The following LIMD1 variants were observed in gnomAD, a reference collection of about 807,000 sequenced individuals.
LIMD1 encodes LIM domain-containing protein 1.
LIMD1 carries 23 observed loss-of-function variants against 58.4 expected under a neutral mutation model. That is an observed-to-expected ratio of 0.39 (90% CI 0.28 to 0.56). The LOEUF (loss-of-function observed/expected upper bound fraction) is 0.56. LIMD1 is among the 20% of genes least tolerant of loss of function. The probability of loss-of-function intolerance (pLI) is 0.57; values close to 1 mark genes in which losing one functional copy is unlikely to be tolerated. For missense variants in LIMD1, 838 were observed against 855.5 expected (o/e 0.98, Z 0.25); for synonymous variants, 334 against 345.5 (o/e 0.97, Z 0.37).
At position 45,673,072 on chromosome 3, in the gene LIMD1, A is replaced by G. The variant is rs902680827; in HGVS notation, c.1772+252A>G. ...ACAGAGCACAGAAAAACTAATAATC[A>G]TATTTGTAGCTAGGCCTCGGGAGGA... On this transcript the variant is annotated intron_variant, in intron 5 of 7. Transcript: ENST00000273317. Among the ~76,000 whole-genome samples the G allele has an allele frequency of 2.6e-5, 4 of 151,970 alleles. No individual in the cohort carries two copies. The South Asian group carries it at 6.2e-4, about 24-fold the overall frequency.
chr3:45,596,426 G>A, intron 1 of LIMD1, 139 bp downstream of exon 1: 1 of 705,928 alleles, frequency 1.4e-6, no homozygotes, highest in Non-Finnish European at 2.4e-6. Flanking sequence ...TTTGTTTTGG[G>A]CTTCCTCTTT....
chr3:45,676,599 C>T (rs1156795868), intron 7 of LIMD1, among the ~76,000 whole-genome samples: 1 of 152,202 alleles, frequency 6.6e-6, no homozygotes, highest in African/African-American at 2.4e-5. Flanking sequence ...TGATGGCTTC[C>T]AGCTTCATCC....
At chr3:45,673,413 C>T in intron 5 of LIMD1, 41 bp from the exon 6 acceptor site, 2 of 1,580,750 alleles carry the variant, frequency 1.3e-6, no homozygotes, top group Non-Finnish European at 1.7e-6. Context: ...GGAATTTGCT[C>T]CCAGAAGCAA....
intron 1 of LIMD1, among the ~76,000 whole-genome samples, chr3:45,611,105 C>A (rs928571240): frequency 6.6e-6 from 1 of 152,212 alleles, no homozygotes; most frequent in Non-Finnish European, 1.5e-5. Context: ...TGTATACATT[C>A]TCTTGCTTTG....
At chr3:45,655,206 C>T (rs9838872) in intron 2 of LIMD1, among the ~76,000 whole-genome samples, 16,437 of 152,206 alleles carry the variant, frequency 0.11, 1,000 homozygotes, top group East Asian at 0.15. Flanking sequence ...AGGCATGAGA[C>T]ACCACACTCG....
intron 1 of LIMD1, among the ~76,000 whole-genome samples, chr3:45,604,907 C>T (rs1484316933): frequency 6.6e-6 from 1 of 152,232 alleles, no homozygotes; most frequent in African/African-American, 2.4e-5. Context: ...CCCTCCTGCT[C>T]TTTCCATTAA....
At chr3:45,610,356 C>T (rs557848659) in intron 1 of LIMD1, among the ~76,000 whole-genome samples, 5 of 152,312 alleles carry the variant, frequency 3.3e-5, no homozygotes, top group Admixed American at 3.3e-4. Context: ...GGCTGCTGTC[C>T]ACATCCCTCA....
At chr3:45,624,434 G>A (rs991769342) in intron 1 of LIMD1, among the ~76,000 whole-genome samples, 12 of 152,118 alleles carry the variant, frequency 7.9e-5, no homozygotes, top group Admixed American at 2.6e-4. Flanking sequence ...TCGGCCAGGC[G>A]CGGTGTCTCA....
chr3:45,634,662 A>G (rs1701768585), intron 1 of LIMD1, among the ~76,000 whole-genome samples: 2 of 152,192 alleles, frequency 1.3e-5, no homozygotes, highest in Admixed American at 1.3e-4. Flanking sequence ...CCAACATCGG[A>G]GTTTAATTAG....
chr3:45,595,885 T>G lies in LIMD1; in HGVS notation c.1006T>G (p.Trp336Gly), dbSNP rs200442658. 3 of 1,614,208 alleles carry G rather than the reference T, an allele frequency of 1.9e-6. No individual in the cohort carries two copies. In the Admixed American group the frequency reaches 5.0e-5, roughly 27 times the overall value. The part of the protein sequence containing the change: ...MSKPNVDPQP[W>G]FQDGPKSYLS... ...CAAACCCAATGTGGACCCCCAACCCTGGTTCCAGGATGGGCCCAAATCTTA... is the reference window on the plus strand; with the variant it reads ...CAAACCCAATGTGGACCCCCAACCCGGGTTCCAGGATGGGCCCAAATCTTA... Residue 336 changes from tryptophan (W) to glycine (G), a missense_variant, in exon 1 of 8, where the codon TGG becomes GGG. Physicochemically the swap from Trp to Gly is radical, Grantham distance 184. This residue lies in a region of LIMD1 where 659 missense variants were observed against 639.8 expected (regional missense o/e 1.03). Coordinates refer to ENST00000273317, the MANE Select transcript of LIMD1 (RefSeq NM_014240.3).
At chr3:45,625,171 C>G (rs987674100) in intron 1 of LIMD1, among the ~76,000 whole-genome samples, 2 of 152,214 alleles carry the variant, frequency 1.3e-5, no homozygotes, top group East Asian at 3.9e-4. Flanking sequence ...ATAGTGATTT[C>G]TCTTATGTGT....
chr3:45,638,527 C>G (rs1410140712), intron 2 of LIMD1, among the ~76,000 whole-genome samples: 1 of 152,054 alleles, frequency 6.6e-6, no homozygotes, highest in Non-Finnish European at 1.5e-5. Flanking sequence ...GTATATGTAC[C>G]ACATTTTCTT....
intron 1 of LIMD1, among the ~76,000 whole-genome samples, chr3:45,627,344 A>G (rs1004935998): frequency 1.3e-5 from 2 of 152,210 alleles, no homozygotes; most frequent in African/African-American, 4.8e-5. Context: ...TGGAAAGGAT[A>G]TAGATAAGTC....
At chr3:45,630,570 G>T (rs1053371403) in intron 1 of LIMD1, among the ~76,000 whole-genome samples, 4 of 152,198 alleles carry the variant, frequency 2.6e-5, no homozygotes, top group Non-Finnish European at 4.4e-5. Flanking sequence ...CAGTCAGAAA[G>T]ATGGTCGTGT....
chr3:45,661,448 A>G (rs890762102), intron 2 of LIMD1, among the ~76,000 whole-genome samples: 2 of 152,292 alleles, frequency 1.3e-5, no homozygotes, highest in South Asian at 2.1e-4. Flanking sequence ...ATATTCCAAC[A>G]TGTATATGGG....
intron 2 of LIMD1, among the ~76,000 whole-genome samples, chr3:45,641,030 C>A (rs936479867): frequency 6.6e-6 from 1 of 152,128 alleles, no homozygotes; most frequent in African/African-American, 2.4e-5. Context: ...CCCTTTACCT[C>A]AGTTTTCAGC....
rs1179817472 is a variant in LIMD1, at chr3:45,680,918, G to C, written c.*3859G>C. On this transcript the variant is annotated 3_prime_UTR_variant, in exon 8 of 8. Transcript: ENST00000273317. Reference sequence around the variant, plus strand: ...CCAGCTACCTGAGAGGTTGAGGCAGGAGAATCGCTTGAACCTGGGAGGCAG... The same window carrying C: ...CCAGCTACCTGAGAGGTTGAGGCAGCAGAATCGCTTGAACCTGGGAGGCAG... 6.4e-6 allele frequency: 1 copy of C among 155,908 alleles called. No homozygotes were observed. The highest frequency in any genetic ancestry group is 2.4e-5 in the African/African-American group (1 of 41,350). The allele number at this position is 155,908 out of a possible 1,614,324, so 9.7% of individuals were successfully genotyped here.
chr3:45,597,277 T>C (rs1241125825), intron 1 of LIMD1, among the ~76,000 whole-genome samples: 1 of 152,118 alleles, frequency 6.6e-6, no homozygotes, highest in Non-Finnish European at 1.5e-5. Flanking sequence ...AACTGTGGGA[T>C]GGGACCCAGC....
In LIMD1 at chr3:45,653,299, G is replaced by T. The variant is rs567642310; in HGVS notation, c.1511-12351G>T. On this transcript the variant is annotated intron_variant, in intron 2 of 7. Transcript: ENST00000273317. ...TCTGGTGGGTGTCATTTGAGGAAAC[G>T]GAAGGTCAGGTAGGGATGCTGGCAA... 5.3e-5 allele frequency among the ~76,000 whole-genome samples: 8 copies of T among 152,316 alleles called. No individual in the cohort carries two copies. In the East Asian group the frequency reaches 1.5e-3, roughly 29 times the overall value.
Sources: allele counts gnomAD v4.1 joint callset (sites outside exome capture counted in the v4.1 genomes callset), GRCh38; gene constraint gnomAD v4.1.1; regional missense constraint gnomAD v4.1.1; transcripts MANE v1.5; gene names NCBI Gene and HGNC (gene_info 2026-07-23, HGNC 2026-07-21).